FAM78B: variants seen among roughly 807,000 people sequenced by gnomAD.
FAM78B encodes family with sequence similarity 78 member B, also known as protein FAM78B.
A neutral mutation model predicts 20.0 loss-of-function variants in FAM78B; 10 were observed. That is an observed-to-expected ratio of 0.50 (90% confidence interval 0.31 to 0.85). The LOEUF (loss-of-function observed/expected upper bound fraction) is 0.85. FAM78B is among the 40% of genes least tolerant of loss of function. The probability of loss-of-function intolerance (pLI) is 0.05; values close to 1 mark genes in which losing one functional copy is unlikely to be tolerated. For synonymous variants in FAM78B, 135 were observed against 132.8 expected (o/e 1.02, Z -0.12); for missense variants, 283 against 345.0 (o/e 0.82, Z 1.42).
At chr1:166,108,642 C>G (rs1459081661) in intron 1 of FAM78B, among the ~76,000 whole-genome samples, 2 of 152,068 alleles carry the variant, frequency 1.3e-5, no homozygotes, top group Non-Finnish European at 2.9e-5. Flanking sequence ...TCATTCTTCA[C>G]AGAACTAGAA....
intron 1 of FAM78B, among the ~76,000 whole-genome samples, chr1:166,141,273 T>C (rs1323023753): frequency 6.6e-6 from 1 of 152,182 alleles, no homozygotes; most frequent in Non-Finnish European, 1.5e-5. Context: ...AAGATGCATG[T>C]ACAGTGAGAC....
intron 1 of FAM78B, among the ~76,000 whole-genome samples, chr1:166,158,257 C>G (rs1407029062): frequency 6.6e-6 from 1 of 152,158 alleles, no homozygotes; most frequent in Non-Finnish European, 1.5e-5. Flanking sequence ...CCCAGGGGAT[C>G]CAGGCTGCAA....
chr1:166,083,911 C>T (rs1445799728), intron 1 of FAM78B, among the ~76,000 whole-genome samples: 1 of 149,624 alleles, frequency 6.7e-6, no homozygotes, highest in Non-Finnish European at 1.5e-5. Flanking sequence ...GGGTATTGCT[C>T]ATTCAAAAAG....
At chr1:166,101,336 AGAGAATAACTTT>A (rs991540796) in intron 1 of FAM78B, among the ~76,000 whole-genome samples, 2 of 152,250 alleles carry the variant, frequency 1.3e-5, no homozygotes, top group Non-Finnish European at 2.9e-5. Context: ...AAAGCTAGAC[AGAGAATAACTTT>A]GAGGAGTTGA....
chr1:166,090,484 A>G (rs1653023961), intron 1 of FAM78B, among the ~76,000 whole-genome samples: 1 of 152,302 alleles, frequency 6.6e-6, no homozygotes, highest in Non-Finnish European at 1.5e-5. Context: ...TCCAAGGACA[A>G]TGGAATGAGA....
intron 1 of FAM78B, among the ~76,000 whole-genome samples, chr1:166,087,659 T>C (rs1459279175): frequency 6.6e-6 from 1 of 152,224 alleles, no homozygotes; most frequent in Non-Finnish European, 1.5e-5. Flanking sequence ...AATGTGTCTC[T>C]CTTTGCCCAG....
At chr1:166,144,089 T>C (rs769812548) in intron 1 of FAM78B, among the ~76,000 whole-genome samples, 17 of 152,178 alleles carry the variant, frequency 1.1e-4, no homozygotes, top group Non-Finnish European at 2.5e-4. Flanking sequence ...ACCAGAGAAC[T>C]CCTGGGCCCA....
chr1:166,152,955 C>T (rs181919030), intron 1 of FAM78B, among the ~76,000 whole-genome samples: 85 of 152,274 alleles, frequency 5.6e-4, no homozygotes, highest in African/African-American at 2.0e-3. Context: ...GGATTACAGG[C>T]GTGAGTGCGC....
chr1:166,068,389 T>C (rs1235000917), downstream of FAM78B, among the ~76,000 whole-genome samples: 1 of 152,260 alleles, frequency 6.6e-6, no homozygotes, highest in Non-Finnish European at 1.5e-5. Flanking sequence ...TGTGAGCCAC[T>C]GATGTATTAT....
intron 1 of FAM78B, among the ~76,000 whole-genome samples, chr1:166,119,800 C>A (rs1047237030): frequency 2.6e-5 from 4 of 152,250 alleles, no homozygotes; most frequent in African/African-American, 9.6e-5. Flanking sequence ...ACACGAGACT[C>A]CCTGAAGCCT....
At chr1:166,133,907 A>G (rs1654974956) in intron 1 of FAM78B, among the ~76,000 whole-genome samples, 1 of 152,224 alleles carries the variant, frequency 6.6e-6, no homozygotes, top group Non-Finnish European at 1.5e-5. Context: ...AGATAACTTC[A>G]TGCCACTTGT....
chr1:166,118,181 G>C (rs1654328435), intron 1 of FAM78B, among the ~76,000 whole-genome samples: 1 of 152,228 alleles, frequency 6.6e-6, no homozygotes, highest in Non-Finnish European at 1.5e-5. Flanking sequence ...CCTGCTCACA[G>C]ACAGGAGCTT....
intron 1 of FAM78B, among the ~76,000 whole-genome samples, chr1:166,076,772 T>C (rs1251412584): frequency 6.6e-6 from 1 of 152,178 alleles, no homozygotes; most frequent in Non-Finnish European, 1.5e-5. Context: ...GTGGAGACCA[T>C]GAATTTCAAT....
At chr1:166,112,887 T>C (rs1654111178) in intron 1 of FAM78B, among the ~76,000 whole-genome samples, 1 of 152,222 alleles carries the variant, frequency 6.6e-6, no homozygotes, top group Admixed American at 6.5e-5. Flanking sequence ...TAATTTGCCA[T>C]AGTCATATCA....
chr1:166,083,391 T>C (rs1487299689), intron 1 of FAM78B, among the ~76,000 whole-genome samples: 2 of 151,556 alleles, frequency 1.3e-5, no homozygotes, highest in Non-Finnish European at 2.9e-5. Context: ...TCCCAAGACC[T>C]GCATGCAAAT....
intron 1 of FAM78B, among the ~76,000 whole-genome samples, chr1:166,157,019 C>T (rs904089249): frequency 1.7e-5 from 1 of 59,826 alleles, no homozygotes; most frequent in Non-Finnish European, 3.1e-5. Context: ...AGTGACATGA[C>T]GTCAAGGGGG....
At chr1:166,064,645 C>A (rs1651733916), downstream of FAM78B, among the ~76,000 whole-genome samples, 1 of 152,200 alleles carries the variant, frequency 6.6e-6, no homozygotes, top group Non-Finnish European at 1.5e-5. Context: ...AGGGGCCAGG[C>A]CTCACTTGGC....
At chr1:166,126,311 A>G (rs1368814666) in intron 1 of FAM78B, among the ~76,000 whole-genome samples, 1 of 152,210 alleles carries the variant, frequency 6.6e-6, no homozygotes, top group African/African-American at 2.4e-5. Flanking sequence ...TATATTGGAC[A>G]CTTGGGAAAC....
chr1:166,116,351 C>G (rs145723662), intron 1 of FAM78B, among the ~76,000 whole-genome samples: 1 of 152,274 alleles, frequency 6.6e-6, no homozygotes, highest in African/African-American at 2.4e-5. Context: ...GCTTGGTCAC[C>G]CTGCATTGCT....
Sources: allele counts gnomAD v4.1 joint callset (sites outside exome capture counted in the v4.1 genomes callset), GRCh38; gene constraint gnomAD v4.1.1; transcripts MANE v1.5; gene names NCBI Gene and HGNC (gene_info 2026-07-23, HGNC 2026-07-21).